The following RICTOR variants were observed in gnomAD, a reference collection of about 807,000 sequenced individuals.
The protein encoded by RICTOR is RPTOR independent companion of MTOR complex 2.
In RICTOR, 49 loss-of-function variants were observed where a neutral mutation model predicts 214.9. The observed-to-expected ratio is 0.23, with a 90% CI of 0.18 to 0.29. The LOEUF (loss-of-function observed/expected upper bound fraction) is 0.29. Ranked by LOEUF, RICTOR falls within the 10% of genes least tolerant of loss-of-function variation. The probability of loss-of-function intolerance (pLI) is 1.00; values close to 1 mark genes in which losing one functional copy is unlikely to be tolerated. For missense variants in RICTOR, 1,625 were observed against 2,047.0 expected (o/e 0.79, Z 3.98); for synonymous variants, 717 against 711.3 (o/e 1.01, Z -0.13).
intron 2 of RICTOR, among the ~76,000 whole-genome samples, chr5:39,026,151 A>G (rs1755806323): frequency 6.6e-6 from 1 of 152,224 alleles, no homozygotes. Flanking sequence ...CTGAAGCCTT[A>G]AAGTTTAGAA....
intron 35 of RICTOR, 23 bp downstream of exon 35, chr5:38,944,890 T>G: frequency 6.2e-7 from 1 of 1,607,360 alleles, no homozygotes; most frequent in Non-Finnish European, 8.5e-7. Context: ...TAATAATGAT[T>G]GGATTTGAAT....
chr5:39,052,054 C>G (rs1360293491), intron 2 of RICTOR, among the ~76,000 whole-genome samples: 1 of 152,034 alleles, frequency 6.6e-6, no homozygotes, highest in African/African-American at 2.4e-5. Flanking sequence ...AGTAGTGAGT[C>G]AAAATCTCAG....
chr5:39,004,415 A>G (rs1753863578), intron 3 of RICTOR, among the ~76,000 whole-genome samples: 1 of 151,956 alleles, frequency 6.6e-6, no homozygotes, highest in South Asian at 2.1e-4. Flanking sequence ...GTCTGCCATC[A>G]GTCTTATTGT....
chr5:39,060,890 C>G (rs189608860), intron 2 of RICTOR, among the ~76,000 whole-genome samples: 11 of 151,922 alleles, frequency 7.2e-5, no homozygotes, highest in Non-Finnish European at 1.3e-4. Flanking sequence ...CTGAACCCCA[C>G]CTCTCTCTCT....
Position 38,944,945 on chromosome 5 carries a change from G to C in RICTOR, c.4757C>G (p.Ala1586Gly). The change falls in exon 35 of 38, where the codon GCT becomes GGT. Residue 1586 changes from alanine (A) to glycine (G), a missense_variant. Physicochemically the swap from Ala to Gly is moderately conservative, Grantham distance 60 (BLOSUM62 0). Transcript: ENST00000357387. ...CAATTCTGTGCTTTTGGTGCTGCTA[G>C]CTGAGCCTTCTTGAGACACCCCATC... ...CSDGVSQEGS[A>G]SSTKSTELLL... 1 of 1,613,988 alleles carries C rather than the reference G, an allele frequency of 6.2e-7. No individual in the cohort carries two copies. The highest frequency in any genetic ancestry group is 8.5e-7 in the Non-Finnish European group (1 of 1,179,938).
At chr5:39,005,810 T>C (rs1266951842) in intron 3 of RICTOR, among the ~76,000 whole-genome samples, 2 of 152,222 alleles carry the variant, frequency 1.3e-5, no homozygotes, top group African/African-American at 4.8e-5. Flanking sequence ...CGTTAGGTGG[T>C]TGCCCTGGTA....
rs1561470747 is a variant in RICTOR at position 38,967,150 on chromosome 5, AT to A, written c.1218+10del. ...AACAAAATGGAATAAAATAAGGTTT[AT>A]AAGTCTTACCTCTAAAAGTCCATTA... is the stretch of plus-strand genomic sequence containing the variant. On this transcript the variant is annotated intron_variant, in intron 14 of 37. Coordinates refer to ENST00000357387, the MANE Select transcript of RICTOR (RefSeq NM_152756.5). 6.4e-7 allele frequency: 1 copy of A among 1,570,264 alleles called. No individual in the cohort carries two copies. Among genetic ancestry groups the A allele is most frequent in the East Asian group, 2.2e-5 (1 of 44,646 alleles).
At chr5:38,949,403 GA>G (rs1376613790) in intron 31 of RICTOR, 1 of 1,591,152 alleles carries the variant, frequency 6.3e-7, no homozygotes, top group Admixed American at 1.7e-5. Flanking sequence ...TGATTCCCCC[GA>G]CATGCTTCTT....
At chr5:39,057,412 A>G (rs1280014769) in intron 2 of RICTOR, among the ~76,000 whole-genome samples, 3 of 152,090 alleles carry the variant, frequency 2.0e-5, no homozygotes, top group Non-Finnish European at 4.4e-5. Context: ...TCCATAAACT[A>G]CATTTAGTAA....
At position 38,949,950 on chromosome 5, in the gene RICTOR, C is replaced by T; in HGVS notation, c.3898G>A (p.Ala1300Thr). 1 of 1,613,536 alleles carries T rather than the reference C, an allele frequency of 6.2e-7. No individual in the cohort carries two copies. Among genetic ancestry groups the T allele is most frequent in the Non-Finnish European group, 8.5e-7 (1 of 1,179,660 alleles). The change falls in exon 31 of 38, where the codon GCA becomes ACA. Residue 1300 changes from alanine to threonine, a missense_variant. Physicochemically the swap from Ala to Thr is moderately conservative, Grantham distance 58. Around this residue, in one of 5 missense-constraint regions of RICTOR, gnomAD observed 1,214 missense variants for 1,470.5 expected, o/e 0.83. Transcript: ENST00000357387. Reference protein sequence around the residue: ...PGSSHTLPRRAQSLKAPSIAT... With the variant: ...PGSSHTLPRRTQSLKAPSIAT... ...ATAGAGGGTGCTTTAAGGGACTGTG[C>T]TCTTCTAGGAAGCGTATGAGAAGAA...
At chr5:39,038,516 G>C (rs1258167979) in intron 2 of RICTOR, among the ~76,000 whole-genome samples, 5 of 152,174 alleles carry the variant, frequency 3.3e-5, no homozygotes, top group Non-Finnish European at 7.3e-5. Flanking sequence ...ATTAGGAAAA[G>C]AGGAAGTCAA....
chr5:39,053,674 C>T (rs1459094079), intron 2 of RICTOR, among the ~76,000 whole-genome samples: 3 of 152,082 alleles, frequency 2.0e-5, no homozygotes, highest in South Asian at 2.1e-4. Flanking sequence ...GGGTGGATCA[C>T]GAGGTCAGGA....
chr5:39,021,014 A>G (rs1755381999), intron 3 of RICTOR, 25 bp downstream of exon 3: 3 of 1,086,716 alleles, frequency 2.8e-6, no homozygotes, highest in Non-Finnish European at 4.3e-6. Flanking sequence ...AATTTTAGAC[A>G]ATAATAAAAA....
At chr5:38,949,423 C>T (rs1284479031) in intron 31 of RICTOR, 4 of 1,590,152 alleles carry the variant, frequency 2.5e-6, no homozygotes, top group African/African-American at 1.3e-5. Context: ...TTTTTAAAAT[C>T]GATCCTTGCA....
At chr5:39,041,524 G>C (rs913412242) in intron 2 of RICTOR, among the ~76,000 whole-genome samples, 4 of 152,244 alleles carry the variant, frequency 2.6e-5, no homozygotes, top group African/African-American at 9.6e-5. Flanking sequence ...CAGAAGAGGA[G>C]AAAGGCAAGT....
At chr5:39,062,982 A>G (rs1758656513) in intron 2 of RICTOR, among the ~76,000 whole-genome samples, 1 of 152,142 alleles carries the variant, frequency 6.6e-6, no homozygotes, top group Non-Finnish European at 1.5e-5. Context: ...AGATCAGAAA[A>G]TCTGGTGATT....
At chr5:38,967,622 G>A (rs751954297) in intron 12 of RICTOR, among the ~76,000 whole-genome samples, 195 bp from the exon 13 acceptor site, 12 of 152,026 alleles carry the variant, frequency 7.9e-5, no homozygotes, top group African/African-American at 1.7e-4. Context: ...TTGGGACTTC[G>A]GTACTTTAAG....
chr5:39,001,889 C>T (rs1013971971), intron 5 of RICTOR, among the ~76,000 whole-genome samples: 1 of 152,036 alleles, frequency 6.6e-6, no homozygotes, highest in African/African-American at 2.4e-5. Flanking sequence ...AACTCCTATA[C>T]ATAATAGTAG....
rs1451693441 is a variant in RICTOR at position 38,996,813 on chromosome 5, G to A, written c.456+6C>T. ...TTTGCCTTTTACTCTCACACATAGA[G>A]CATACCTTTCTGACTAATCGAAGTG... On this transcript the variant is annotated splice_donor_region_variant and intron_variant, in intron 6 of 37. Transcript: ENST00000357387. 6.3e-6 allele frequency: 10 copies of A among 1,595,586 alleles called. No individual in the cohort carries two copies. The highest frequency in any genetic ancestry group is 8.6e-6 in the Non-Finnish European group (10 of 1,164,066).
Sources: gnomAD v4.1 joint callset for allele counts (sites outside exome capture counted in the v4.1 genomes callset) on GRCh38, gnomAD v4.1.1 for gene constraint, gnomAD v4.1.1 regional missense constraint, MANE v1.5 for transcripts, NCBI Gene and HGNC (gene_info 2026-07-23, HGNC 2026-07-21) for gene names.